Variants in TUSC3 observed in about 807,000 individuals in gnomAD.
TUSC3 encodes tumor suppressor candidate 3, also known as dolichyl-diphosphooligosaccharide--protein glycosyltransferase subunit TUSC3.
Under a neutral mutation model 44.8 loss-of-function variants are expected in TUSC3, and 45 were observed. That is an observed-to-expected ratio of 1.00 (90% CI 0.79 to 1.29). The LOEUF is 1.29. Ranked by LOEUF, TUSC3 falls within the 50% of genes most tolerant of loss-of-function variation. The pLI, the probability that TUSC3 is intolerant of heterozygous loss-of-function variation, is 0.00. For synonymous variants in TUSC3, 212 were observed against 152.9 expected (o/e 1.39, Z -2.85); for missense variants, 519 against 437.9 (o/e 1.19, Z -1.65).
upstream of TUSC3, among the ~76,000 whole-genome samples, chr8:15,537,324 T>C (rs536772448): frequency 6.6e-6 from 1 of 152,136 alleles, no homozygotes; most frequent in Non-Finnish European, 1.5e-5. Flanking sequence ...CACCCCACTT[T>C]AAGTCGTCCT....
chr8:15,763,586 A>C (rs1158279052), intron 10 of TUSC3, among the ~76,000 whole-genome samples: 1 of 152,114 alleles, frequency 6.6e-6, no homozygotes, highest in East Asian at 1.9e-4. Flanking sequence ...AATGTTATTT[A>C]AATTGATTTA....
chr8:15,586,561 C>T (rs1360412969), intron 1 of TUSC3, among the ~76,000 whole-genome samples: 3 of 152,158 alleles, frequency 2.0e-5, no homozygotes, highest in African/African-American at 7.2e-5. Context: ...CCAGCCAGGA[C>T]ACACACTTCT....
intron 2 of TUSC3, among the ~76,000 whole-genome samples, chr8:15,512,984 C>T (rs1801163179): frequency 7.3e-6 from 1 of 137,644 alleles, no homozygotes; most frequent in Non-Finnish European, 1.5e-5. Flanking sequence ...GGAAAATTCT[C>T]ACTCATACAT....
At chr8:15,770,265 C>T (rs981072183), downstream of TUSC3, among the ~76,000 whole-genome samples, 3 of 152,092 alleles carry the variant, frequency 2.0e-5, no homozygotes, top group African/African-American at 7.2e-5. Flanking sequence ...TTTGCAGGGA[C>T]ATGGATGAAG....
chr8:15,743,644 C>A, intron 8 of TUSC3, 32 bp downstream of exon 8: 8 of 1,610,142 alleles, frequency 5.0e-6, no homozygotes, highest in Non-Finnish European at 6.8e-6. Context: ...TTTGTAATTT[C>A]GTTTTAGTCT....
intron 1 of TUSC3, among the ~76,000 whole-genome samples, chr8:15,621,498 A>G (rs1428088249): frequency 9.6e-6 from 1 of 104,378 alleles, no homozygotes; most frequent in Non-Finnish European, 2.3e-5. Flanking sequence ...ATATCTATAA[A>G]ATACACATAA....
chr8:15,569,489 C>G (rs1426632239), intron 1 of TUSC3, among the ~76,000 whole-genome samples: 1 of 152,176 alleles, frequency 6.6e-6, no homozygotes, highest in Middle Eastern at 3.4e-3. Flanking sequence ...GTGTAATTAT[C>G]CTGACATCTG....
chr8:15,565,564 C>T (rs1563292553), intron 1 of TUSC3, among the ~76,000 whole-genome samples: 2 of 152,120 alleles, frequency 1.3e-5, no homozygotes, highest in East Asian at 3.9e-4. Flanking sequence ...ATTCACCAGG[C>T]TCTTGAGAAT....
Position 15,590,955 on chromosome 8 carries a change from T to C in TUSC3, c.139-32125T>C, listed in dbSNP as rs532755764. Reference sequence around the variant, plus strand: ...TCCCAGAGTGCTTGAATTATAGGCTTGAGGCACTGCAACCAGCCTATAATT... The same window carrying C: ...TCCCAGAGTGCTTGAATTATAGGCTCGAGGCACTGCAACCAGCCTATAATT... On this transcript the variant is annotated intron_variant, in intron 1 of 10. Coordinates refer to ENST00000503731, the MANE Select transcript of TUSC3 (RefSeq NM_006765.4). 1.1e-3 allele frequency among the ~76,000 whole-genome samples: 165 copies of C among 152,250 alleles called. 1 individual carries two copies. Among genetic ancestry groups the C allele is most frequent in the Middle Eastern group, 3.4e-3 (1 of 292 alleles).
At chr8:15,649,761 A>C (rs1358747932) in intron 2 of TUSC3, among the ~76,000 whole-genome samples, 1 of 151,782 alleles carries the variant, frequency 6.6e-6, no homozygotes, top group Non-Finnish European at 1.5e-5. Context: ...TCTGTTTTTC[A>C]GATATTTGTG....
At chr8:15,668,316 T>C (rs1002929045) in intron 5 of TUSC3, among the ~76,000 whole-genome samples, 7 of 151,710 alleles carry the variant, frequency 4.6e-5, no homozygotes, top group African/African-American at 1.7e-4. Flanking sequence ...TTTCTAGAAA[T>C]CTTAACTTAC....
the TUSC3 span, among the ~76,000 whole-genome samples, chr8:15,797,499 C>T: frequency 1.3e-5 from 2 of 152,134 alleles, no homozygotes; most frequent in African/African-American, 4.8e-5. Context: ...TTATCAGTTA[C>T]TTTTGCTAGA....
At chr8:15,523,889 C>G (rs917948187) in intron 2 of TUSC3, among the ~76,000 whole-genome samples, 7 of 151,340 alleles carry the variant, frequency 4.6e-5, no homozygotes, top group African/African-American at 1.7e-4. Flanking sequence ...AACCCCGTGT[C>G]TACTAGCAAT....
chr8:15,738,967 G>A (rs758232951), intron 7 of TUSC3, among the ~76,000 whole-genome samples: 1 of 151,132 alleles, frequency 6.6e-6, no homozygotes, highest in Non-Finnish European at 1.5e-5. Context: ...TGAGCAGCTG[G>A]CACCACAGGC....
the TUSC3 span, chr8:15,807,086 C>A: frequency 1.0e-4 from 138 of 1,376,288 alleles, no homozygotes; most frequent in Non-Finnish European, 1.4e-4. Context: ...ATTTGGCAAC[C>A]TGAGAACCAG....
intron 1 of TUSC3, among the ~76,000 whole-genome samples, chr8:15,437,738 G>A (rs1335245803): frequency 6.6e-6 from 1 of 152,192 alleles, no homozygotes; most frequent in African/African-American, 2.4e-5. Flanking sequence ...GCACTGGAAA[G>A]TAGAAATATT....
At chr8:15,420,715 G>A (rs536934775) in intron 1 of TUSC3, among the ~76,000 whole-genome samples, 63 of 152,136 alleles carry the variant, frequency 4.1e-4, no homozygotes, top group African/African-American at 1.5e-3. Context: ...CTCTCTGGAG[G>A]TTACCAGCAG....
chr8:15,459,186 C>G (rs1298918290), intron 1 of TUSC3, among the ~76,000 whole-genome samples: 1 of 152,112 alleles, frequency 6.6e-6, no homozygotes, highest in Non-Finnish European at 1.5e-5. Context: ...ATGATATTTA[C>G]TGGACTTAGC....
chr8:15,545,427 A>G (rs1346593), intron 1 of TUSC3, among the ~76,000 whole-genome samples: 31,226 of 151,468 alleles, frequency 0.21, 3,731 homozygotes, highest in East Asian at 0.34. Context: ...AAAGGGAGAC[A>G]TTATCTTTAT....
Sources: gnomAD v4.1 joint callset for allele counts (sites outside exome capture counted in the v4.1 genomes callset) on GRCh38, gnomAD v4.1.1 for gene constraint, MANE v1.5 for transcripts, NCBI Gene and HGNC (gene_info 2026-07-23, HGNC 2026-07-21) for gene names.